Variants in KIRREL3 observed in about 807,000 individuals in gnomAD.
KIRREL3 encodes the protein kin of IRRE-like protein 3.
A neutral mutation model predicts 89.7 loss-of-function variants in KIRREL3; 36 were observed. The observed-to-expected ratio is 0.40, with a 90% CI of 0.31 to 0.53. KIRREL3 has a LOEUF of 0.53. Ranked by LOEUF, KIRREL3 falls within the 20% of genes least tolerant of loss-of-function variation. KIRREL3 has a pLI of 0.49. For synonymous variants in KIRREL3, 445 were observed against 441.4 expected (o/e 1.01, Z -0.10); for missense variants, 864 against 1,056.6 (o/e 0.82, Z 2.53).
In KIRREL3 at chr11:126,729,748, T is replaced by C. The variant is rs968306451; in HGVS notation, c.56-166836A>G. On this transcript the variant is annotated intron_variant, in intron 1 of 16. Transcript: ENST00000525144. The surrounding 1 kb of genome is among the most constrained non-coding windows in gnomAD (Gnocchi z 4.5). Reference sequence around the variant, plus strand: ...TCACAGCTCAGGGTCCCCTGCTATTTTATGAGCTTGGGAGGTTTCTGTGTC... The same window carrying C: ...TCACAGCTCAGGGTCCCCTGCTATTCTATGAGCTTGGGAGGTTTCTGTGTC... Among the ~76,000 whole-genome samples the C allele has an allele frequency of 1.3e-5, 2 of 152,128 alleles. No homozygotes were observed. Among genetic ancestry groups the C allele is most frequent in the Admixed American group, 6.5e-5 (1 of 15,280 alleles).
At chr11:126,552,291 T>C (rs1254297546) in intron 2 of KIRREL3, among the ~76,000 whole-genome samples, 2 of 151,780 alleles carry the variant, frequency 1.3e-5, no homozygotes, top group Non-Finnish European at 2.9e-5. Context: ...TCCATTACCA[T>C]TCATACCCGG....
chr11:126,760,416 G>A (rs1309628002), intron 1 of KIRREL3, among the ~76,000 whole-genome samples: 3 of 152,158 alleles, frequency 2.0e-5, no homozygotes, highest in South Asian at 4.1e-4. Context: ...TTTTCAGTTC[G>A]CATTTCTGGG....
At chr11:126,675,470 T>C (rs141116931) in intron 1 of KIRREL3, among the ~76,000 whole-genome samples, 102 of 152,312 alleles carry the variant, frequency 6.7e-4, no homozygotes, top group African/African-American at 2.3e-3. Flanking sequence ...AGCTGAGAGA[T>C]GGAGTTAGGT....
chr11:126,505,892 G>A (rs1334443311), intron 4 of KIRREL3, among the ~76,000 whole-genome samples: 1 of 152,152 alleles, frequency 6.6e-6, no homozygotes, highest in African/African-American at 2.4e-5. Context: ...TTGATCTATA[G>A]CTTTCACGCA....
intron 1 of KIRREL3, among the ~76,000 whole-genome samples, chr11:126,960,245 G>A (rs956737252): frequency 6.6e-6 from 1 of 152,120 alleles, no homozygotes; most frequent in African/African-American, 2.4e-5. Context: ...TTGAAATGAG[G>A]AAAACAGAAA....
At chr11:126,838,306 A>G (rs977573076) in intron 1 of KIRREL3, among the ~76,000 whole-genome samples, 1 of 152,066 alleles carries the variant, frequency 6.6e-6, no homozygotes, top group African/African-American at 2.4e-5. Context: ...CTTCCTGTGA[A>G]TTTGGATAGC....
intron 1 of KIRREL3, among the ~76,000 whole-genome samples, chr11:126,967,079 T>C (rs1949293964): frequency 6.6e-6 from 1 of 152,148 alleles, no homozygotes; most frequent in African/African-American, 2.4e-5. Flanking sequence ...TCAAAAGCCA[T>C]TAGAAATGAC....
Position 126,441,408 on chromosome 11 carries a change from A to G in KIRREL3, c.1253-859T>C, listed in dbSNP as rs1955557697. On this transcript the variant is annotated intron_variant, in intron 10 of 16. Coordinates refer to ENST00000525144, the MANE Select transcript of KIRREL3 (RefSeq NM_032531.4). The surrounding 1 kb of genome is among the most constrained non-coding windows in gnomAD (Gnocchi z 5.0). ...CCAGTTCCGCCTGTTACCTAACCCA[A>G]GTCTTTCCCCTGTGACGCCTGCCTG... Among the ~76,000 whole-genome samples the G allele has an allele frequency of 6.6e-6, 1 of 152,162 alleles. No homozygotes were observed.
intron 1 of KIRREL3, among the ~76,000 whole-genome samples, chr11:126,793,350 G>T (rs1194648546): frequency 1.3e-5 from 2 of 152,232 alleles, no homozygotes; most frequent in African/African-American, 4.8e-5. Context: ...GGCAATCTGG[G>T]TGGAGTGAGC....
At chr11:126,959,854 C>A (rs1024048074) in intron 1 of KIRREL3, among the ~76,000 whole-genome samples, 2 of 152,182 alleles carry the variant, frequency 1.3e-5, no homozygotes, top group Admixed American at 6.5e-5. Flanking sequence ...TCACAGCTAA[C>A]CCCTTCCCTT....
intron 1 of KIRREL3, among the ~76,000 whole-genome samples, chr11:126,923,243 C>CTTA (rs747556225): frequency 1.7e-5 from 1 of 58,514 alleles, no homozygotes; most frequent in African/African-American, 6.8e-5. Flanking sequence ...TCTTCTTCTT[C>CTTA]TTCTTCTTCT....
chr11:126,863,668 T>C (rs1326778909), intron 1 of KIRREL3, among the ~76,000 whole-genome samples: 2 of 151,934 alleles, frequency 1.3e-5, no homozygotes, highest in Non-Finnish European at 2.9e-5. Context: ...TGTGAGTGTA[T>C]GTGTGAGTGA....
intron 1 of KIRREL3, among the ~76,000 whole-genome samples, chr11:126,865,117 C>T (rs755237178): frequency 3.3e-5 from 5 of 152,214 alleles, no homozygotes; most frequent in Non-Finnish European, 7.3e-5. Flanking sequence ...TCCTGGATCC[C>T]AAGGCCTCTT....
chr11:126,804,763 C>G (rs1951151768), intron 1 of KIRREL3, among the ~76,000 whole-genome samples: 1 of 152,098 alleles, frequency 6.6e-6, no homozygotes, highest in Non-Finnish European at 1.5e-5. Flanking sequence ...AGATCACAAC[C>G]TTTTTTCCAA....
chr11:126,522,029 C>A lies in KIRREL3; in HGVS notation c.284-565G>T, dbSNP rs1478222253. ...AAAGTTCTGGGATTATAGGCATGAG[C>A]CACCATGCCCGGCCATGTAAGGGTC... On this transcript the variant is annotated intron_variant, in intron 3 of 16. Transcript: ENST00000525144. This position sits in a 1 kb window ranked among gnomAD's most constrained non-coding sequence, Gnocchi z 6.0. Among the ~76,000 whole-genome samples the A allele has an allele frequency of 6.6e-6, 1 of 152,126 alleles. No individual in the cohort carries two copies. Among genetic ancestry groups the A allele is most frequent in the Non-Finnish European group, 1.5e-5 (1 of 68,036 alleles).
chr11:126,858,582 C>T (rs10431092), intron 1 of KIRREL3, among the ~76,000 whole-genome samples: 132,074 of 152,214 alleles, frequency 0.87, 57,696 homozygotes, highest in East Asian at 1. Flanking sequence ...TTCTCCTCTG[C>T]CATTCACAAG....
chr11:126,707,838 T>C (rs1947596355), intron 1 of KIRREL3, among the ~76,000 whole-genome samples: 1 of 151,384 alleles, frequency 6.6e-6, no homozygotes, highest in African/African-American at 2.4e-5. Context: ...TGATGAGCTT[T>C]TTTTTTTTTG....
At position 126,427,714 on chromosome 11, in the gene KIRREL3, C is replaced by T. The variant is rs11220490; in HGVS notation, c.1806+1465G>A. On this transcript the variant is annotated intron_variant, in intron 15 of 16. Transcript: ENST00000525144. This position sits in a 1 kb window ranked among gnomAD's most constrained non-coding sequence, Gnocchi z 5.3. The stretch of plus-strand genomic sequence containing the variant: ...TTGTCCAGCAGATGTGGGGAGCCAC[C>T]GAGGGATTTTAAGTGGGCAAGTAAC... Among the ~76,000 whole-genome samples, 17,067 of 152,058 alleles carry T rather than the reference C, an allele frequency of 0.11. 1,220 individuals are homozygous for T. The highest frequency in any genetic ancestry group is 0.19 in the South Asian group (904 of 4,814).
chr11:126,957,222 T>G (rs1948949563), intron 1 of KIRREL3, among the ~76,000 whole-genome samples: 1 of 152,200 alleles, frequency 6.6e-6, no homozygotes, highest in Admixed American at 6.5e-5. Context: ...TTCTTCTTCC[T>G]CTGACTCTCT....
Sources: gnomAD v4.1 joint callset for allele counts (sites outside exome capture counted in the v4.1 genomes callset) on GRCh38, gnomAD v4.1.1 for gene constraint, Gnocchi (gnomAD v3.1) non-coding constraint, MANE v1.5 for transcripts, NCBI Gene and HGNC (gene_info 2026-07-23, HGNC 2026-07-21) for gene names.